The following SPATA17 variants were observed in gnomAD, a reference collection of about 807,000 sequenced individuals.
SPATA17 encodes the protein spermatogenesis associated 17.
SPATA17 carries 53 observed loss-of-function variants against 62.2 expected under a neutral mutation model. The ratio of observed to expected loss-of-function variants is 0.85; its 90% CI spans 0.68 to 1.07. SPATA17 has a LOEUF of 1.07. SPATA17 is among the 50% of genes least tolerant of loss of function. The pLI is 0.00. For synonymous variants in SPATA17, 146 were observed against 146.8 expected, an observed-to-expected ratio of 0.99 and a Z score of 0.04; for missense variants, 466 against 425.5, an observed-to-expected ratio of 1.10 and a Z score of -0.84.
At chr1:217,631,522 A>T (rs1669772966) in intron 1 of SPATA17, 76 bp downstream of exon 1, 24 of 1,488,778 alleles carry the variant, frequency 1.6e-5, no homozygotes, top group Non-Finnish European at 2.1e-5. Context: ...GGAGTTTCCA[A>T]TTAACGATTT....
chr1:217,797,305 A>G lies in SPATA17; in HGVS notation c.873-4413A>G, dbSNP rs551460327. Among the ~76,000 whole-genome samples the G allele has an allele frequency of 1.3e-4, 19 of 147,896 alleles. No individual in the cohort carries two copies. In the South Asian group the frequency reaches 4.0e-3, roughly 31 times the overall value. On this transcript the variant is annotated intron_variant, in intron 8 of 10. Coordinates refer to ENST00000366933, the MANE Select transcript of SPATA17 (RefSeq NM_138796.4). The stretch of plus-strand genomic sequence containing the variant: ...CACTCTGTTGCCCAGGCTGCAGTGC[A>G]GTAGTGTGATCTCGGCTCAGTGCAG...
At chr1:217,639,052 C>T (rs1466338836) in intron 1 of SPATA17, among the ~76,000 whole-genome samples, 2 of 151,840 alleles carry the variant, frequency 1.3e-5, no homozygotes, top group Non-Finnish European at 2.9e-5. Flanking sequence ...AAGAAATACC[C>T]TAGAAGAAAA....
chr1:217,857,001 G>A (rs1675802146), intron 9 of SPATA17, among the ~76,000 whole-genome samples: 1 of 152,166 alleles, frequency 6.6e-6, no homozygotes, highest in South Asian at 2.1e-4. Flanking sequence ...GTAGCGAGAA[G>A]TTCTTGCCAT....
At chr1:217,764,225 C>T (rs974261317) in intron 6 of SPATA17, among the ~76,000 whole-genome samples, 1 of 152,120 alleles carries the variant, frequency 6.6e-6, no homozygotes, top group Non-Finnish European at 1.5e-5. Flanking sequence ...TAAAAATCTC[C>T]TGTGCTCTGC....
chr1:217,716,559 A>C (rs1010156659), intron 5 of SPATA17, among the ~76,000 whole-genome samples: 1 of 152,244 alleles, frequency 6.6e-6, no homozygotes, highest in Non-Finnish European at 1.5e-5. Flanking sequence ...CTCTTTAGAC[A>C]CATGTACAGG....
At position 217,870,049 on chromosome 1, in the gene SPATA17, G is replaced by GT. The variant is rs1227840425; in HGVS notation, c.*3031dup. ...TTACTATACAATTTTGTGTACTTTT[G>GT]TAAGTTCTTGGTTGTTTCTAAACTT... On this transcript the variant is annotated 3_prime_UTR_variant, in exon 11 of 11. Coordinates refer to ENST00000366933, the MANE Select transcript of SPATA17 (RefSeq NM_138796.4). 6.6e-6 allele frequency: 1 copy of GT among 152,080 alleles called. No homozygotes were observed. The highest frequency in any genetic ancestry group is 1.5e-5 in the Non-Finnish European group (1 of 68,002). 9.4% of individuals were successfully genotyped at this position (152,080 alleles called of 1,614,324 possible). A position where few individuals can be genotyped will look rare whatever the true frequency, so the allele number is the denominator to read the frequency against.
At chr1:217,855,380 C>T (rs75838460) in intron 9 of SPATA17, among the ~76,000 whole-genome samples, 3,901 of 152,264 alleles carry the variant, frequency 0.026, 154 homozygotes, top group African/African-American at 0.088. Context: ...TTCTAACTAA[C>T]ACATTGTATC....
chr1:217,722,849 G>A (rs1231666125), intron 5 of SPATA17, among the ~76,000 whole-genome samples: 1 of 151,002 alleles, frequency 6.6e-6, no homozygotes, highest in Non-Finnish European at 1.5e-5. Flanking sequence ...TTTTTTTCCT[G>A]CTGAGGAAGT....
chr1:217,840,365 C>T (rs1327358191), intron 9 of SPATA17, among the ~76,000 whole-genome samples: 1 of 152,036 alleles, frequency 6.6e-6, no homozygotes, highest in Admixed American at 6.6e-5. Flanking sequence ...TGAGAAAGAG[C>T]TTTAGGTGCA....
chr1:217,860,690 G>C (rs1675881264), intron 9 of SPATA17, among the ~76,000 whole-genome samples: 2 of 151,900 alleles, frequency 1.3e-5, no homozygotes, highest in Non-Finnish European at 2.9e-5. Context: ...TGTTAGCATG[G>C]TATATCTTTC....
intron 9 of SPATA17, among the ~76,000 whole-genome samples, chr1:217,840,007 C>CG (rs1388896045): frequency 3.0e-5 from 4 of 134,030 alleles, no homozygotes; most frequent in Non-Finnish European, 5.2e-5. Flanking sequence ...TTAATCTTGT[C>CG]GAAAAAAAGG....
At chr1:217,701,961 A>G (rs1366379142) in intron 5 of SPATA17, among the ~76,000 whole-genome samples, 1 of 151,786 alleles carries the variant, frequency 6.6e-6, no homozygotes, top group Admixed American at 6.6e-5. Context: ...TCTTTTTGGA[A>G]ATTATAAATA....
chr1:217,670,594 T>G (rs1178878413), intron 4 of SPATA17, among the ~76,000 whole-genome samples: 1 of 152,218 alleles, frequency 6.6e-6, no homozygotes, highest in Non-Finnish European at 1.5e-5. Context: ...TTGATTAATG[T>G]CAATGGGCAA....
At chr1:217,730,604 GA>G (rs1246063425) in intron 5 of SPATA17, among the ~76,000 whole-genome samples, 11 of 150,768 alleles carry the variant, frequency 7.3e-5, no homozygotes, top group Admixed American at 5.3e-4. Context: ...ATCTTTAGAG[GA>G]AAAAAAAATT....
At chr1:217,799,338 C>T (rs1174282821) in intron 8 of SPATA17, among the ~76,000 whole-genome samples, 5 of 152,008 alleles carry the variant, frequency 3.3e-5, no homozygotes, top group African/African-American at 1.2e-4. Flanking sequence ...TTTGTTCAGA[C>T]ACAAAAGAAA....
At chr1:217,720,640 AT>A (rs1053365768) in intron 5 of SPATA17, among the ~76,000 whole-genome samples, 3 of 152,008 alleles carry the variant, frequency 2.0e-5, no homozygotes, top group Non-Finnish European at 2.9e-5. Flanking sequence ...ATAAATAAAC[AT>A]TTTTTTTAAA....
chr1:217,749,983 C>CTATATA (rs1387385689), intron 6 of SPATA17, among the ~76,000 whole-genome samples: 95 of 24,044 alleles, frequency 4.0e-3, no homozygotes, highest in East Asian at 5.0e-3. Context: ...CTCTCTCTCT[C>CTATATA]TCTATATATA....
intron 5 of SPATA17, among the ~76,000 whole-genome samples, chr1:217,714,482 G>A (rs1402583664): frequency 7.7e-6 from 1 of 130,188 alleles, no homozygotes; most frequent in East Asian, 2.1e-4. Flanking sequence ...CGTGGAAAAC[G>A]TGTTTCTTTT....
intron 5 of SPATA17, among the ~76,000 whole-genome samples, chr1:217,727,165 C>A (rs774429332): frequency 4.0e-5 from 6 of 151,488 alleles, no homozygotes; most frequent in Non-Finnish European, 7.4e-5. Flanking sequence ...GAGAATCGCT[C>A]GAACCCGGGA....
Sources: gnomAD v4.1 joint callset for allele counts (sites outside exome capture counted in the v4.1 genomes callset) on GRCh38, gnomAD v4.1.1 for gene constraint, MANE v1.5 for transcripts, NCBI Gene and HGNC (gene_info 2026-07-23, HGNC 2026-07-21) for gene names.